Variants in SOX5 observed in about 807,000 individuals in gnomAD.
SOX5 encodes SRY-box transcription factor 5.
In SOX5, 9 loss-of-function variants were observed where a neutral mutation model predicts 92.0. The observed-to-expected ratio is 0.10, with a 90% CI of 0.06 to 0.17. The LOEUF (loss-of-function observed/expected upper bound fraction) is 0.17. SOX5 is among the 10% of genes least tolerant of loss of function. The pLI, the probability that SOX5 is intolerant of heterozygous loss-of-function variation, is 1.00. For synonymous variants in SOX5, 344 were observed against 336.3 expected, an observed-to-expected ratio of 1.02 and a Z score of -0.25; for missense variants, 642 against 944.5, an observed-to-expected ratio of 0.68 and a Z score of 4.20.
At chr12:24,520,816 G>A (rs1468174786) in intron 1 of SOX5, among the ~76,000 whole-genome samples, 1 of 152,124 alleles carries the variant, frequency 6.6e-6, no homozygotes, top group Non-Finnish European at 1.5e-5. Flanking sequence ...CGTGCAAATG[G>A]CAACCGAAAG....
intron 6 of SOX5, among the ~76,000 whole-genome samples, chr12:23,704,715 T>TATATATATACAC (rs1434949526): frequency 1.3e-4 from 14 of 108,384 alleles, no homozygotes; most frequent in Middle Eastern, 9.3e-3. Context: ...TATATATATA[T>TATATATATACAC]ACACACACAC....
chr12:24,165,617 G>T (rs1953307103), intron 4 of SOX5, among the ~76,000 whole-genome samples: 1 of 152,096 alleles, frequency 6.6e-6, no homozygotes, highest in South Asian at 2.1e-4. Context: ...ATTTCTTACA[G>T]TCTGAAAGGA....
intron 8 of SOX5, among the ~76,000 whole-genome samples, chr12:23,620,627 A>G (rs2077056107): frequency 1.3e-5 from 2 of 152,066 alleles, no homozygotes; most frequent in African/African-American, 4.8e-5. Context: ...GTATAGCAAA[A>G]ATGAGTCCTT....
At chr12:24,341,651 C>T (rs564713145) in intron 2 of SOX5, among the ~76,000 whole-genome samples, 1 of 152,308 alleles carries the variant, frequency 6.6e-6, no homozygotes, top group East Asian at 1.9e-4. Flanking sequence ...ATAACATTTC[C>T]CTAGTTTCCA....
intron 8 of SOX5, among the ~76,000 whole-genome samples, chr12:23,618,067 A>T (rs973947006): frequency 6.6e-6 from 1 of 152,128 alleles, no homozygotes; most frequent in Admixed American, 6.6e-5. Context: ...CTCTGCATCT[A>T]TTCCTGAGGT....
intron 3 of SOX5, among the ~76,000 whole-genome samples, chr12:24,223,992 T>C (rs1467943091): frequency 6.6e-6 from 1 of 152,140 alleles, no homozygotes; most frequent in Non-Finnish European, 1.5e-5. Context: ...TATGCAAAGG[T>C]GGTCGCATGA....
At chr12:23,968,009 T>C (rs1947792030) in intron 4 of SOX5, among the ~76,000 whole-genome samples, 1 of 152,198 alleles carries the variant, frequency 6.6e-6, no homozygotes, top group Non-Finnish European at 1.5e-5. Flanking sequence ...ACCAACCCTT[T>C]GAGGTAGGCA....
At chr12:23,988,069 G>T (rs1163350825) in intron 4 of SOX5, among the ~76,000 whole-genome samples, 1 of 152,098 alleles carries the variant, frequency 6.6e-6, no homozygotes, top group Non-Finnish European at 1.5e-5. Flanking sequence ...ATAGTTCAAA[G>T]AATTTGGTGA....
In SOX5 at chr12:23,549,919, C is replaced by G. The variant is rs530906013; in HGVS notation, c.1489-3495G>C. On this transcript the variant is annotated intron_variant, in intron 11 of 14. Coordinates refer to ENST00000451604, the MANE Select transcript of SOX5 (RefSeq NM_006940.6). ...TGAATTGTATCTCATCGACAGAAGA[C>G]AGTTGTAGACCACATGGTTTCCTGG... 3.3e-5 allele frequency among the ~76,000 whole-genome samples: 5 copies of G among 152,094 alleles called. No individual in the cohort carries two copies. The South Asian group carries it at 8.3e-4, about 25-fold the overall frequency.
At chr12:24,253,796 A>G (rs1179092153) in intron 3 of SOX5, among the ~76,000 whole-genome samples, 1 of 152,114 alleles carries the variant, frequency 6.6e-6, no homozygotes, top group Non-Finnish European at 1.5e-5. Flanking sequence ...ATGGCATTTA[A>G]CTCTTCTTAA....
chr12:23,950,975 A>T (rs568309007), upstream of SOX5: 4 of 806,058 alleles, frequency 5.0e-6, no homozygotes, highest in Admixed American at 6.9e-5. Context: ...TCACACACGC[A>T]TGCACACACA....
At chr12:24,216,166 A>T (rs956677393) in intron 3 of SOX5, among the ~76,000 whole-genome samples, 1 of 152,230 alleles carries the variant, frequency 6.6e-6, no homozygotes, top group Non-Finnish European at 1.5e-5. Context: ...GATAGCCTAC[A>T]GGATGGGGGA....
intron 3 of SOX5, among the ~76,000 whole-genome samples, chr12:24,245,014 T>C (rs1043722165): frequency 6.6e-6 from 1 of 152,116 alleles, no homozygotes; most frequent in Non-Finnish European, 1.5e-5. Flanking sequence ...TTCACCTAGT[T>C]ATATCTGACT....
intron 1 of SOX5, among the ~76,000 whole-genome samples, chr12:24,498,102 C>T (rs1331395662): frequency 6.6e-6 from 1 of 151,978 alleles, no homozygotes; most frequent in African/African-American, 2.4e-5. Context: ...GTAATGGATG[C>T]TGGGCTTAAT....
chr12:23,677,179 A>G (rs746999273), intron 6 of SOX5, among the ~76,000 whole-genome samples: 2 of 152,108 alleles, frequency 1.3e-5, no homozygotes, highest in East Asian at 3.9e-4. Flanking sequence ...AATTGATTCA[A>G]TTTCCCCCCA....
At chr12:24,338,112 G>C (rs1047658544) in intron 2 of SOX5, among the ~76,000 whole-genome samples, 3 of 151,984 alleles carry the variant, frequency 2.0e-5, no homozygotes, top group Non-Finnish European at 4.4e-5. Flanking sequence ...TATTTATCTA[G>C]TTGAATATAA....
chr12:23,682,527 A>G (rs749569065), intron 6 of SOX5, among the ~76,000 whole-genome samples: 12 of 151,838 alleles, frequency 7.9e-5, no homozygotes, highest in Non-Finnish European at 1.5e-4. Flanking sequence ...GGCAGGAATT[A>G]GAGGTTATTT....
At chr12:23,708,951 T>C (rs1296781639) in intron 6 of SOX5, among the ~76,000 whole-genome samples, 4 of 152,138 alleles carry the variant, frequency 2.6e-5, no homozygotes, top group African/African-American at 9.7e-5. Flanking sequence ...ACATTACATT[T>C]AAACATACAA....
chr12:24,078,222 A>G (rs1942890553), intron 4 of SOX5, among the ~76,000 whole-genome samples: 1 of 152,116 alleles, frequency 6.6e-6, no homozygotes, highest in Non-Finnish European at 1.5e-5. Flanking sequence ...AGTTTTAAAA[A>G]AAGGTGACTA....
Sources: allele counts gnomAD v4.1 joint callset (sites outside exome capture counted in the v4.1 genomes callset), GRCh38; gene constraint gnomAD v4.1.1; transcripts MANE v1.5; gene names NCBI Gene and HGNC (gene_info 2026-07-23, HGNC 2026-07-21).